Variants in DCUN1D4 observed in about 807,000 individuals in gnomAD.
DCUN1D4 encodes the protein defective in cullin neddylation 1 domain containing 4.
Under a neutral mutation model 47.9 loss-of-function variants are expected in DCUN1D4, and 22 were observed. The ratio of observed to expected loss-of-function variants is 0.46; its 90% CI spans 0.33 to 0.66. The LOEUF (loss-of-function observed/expected upper bound fraction) is 0.66. DCUN1D4 is among the 30% of genes least tolerant of loss of function. The pLI, the probability that DCUN1D4 is intolerant of heterozygous loss-of-function variation, is 0.02. For missense variants in DCUN1D4, 301 were observed against 340.8 expected (o/e 0.88, Z 0.92); for synonymous variants, 121 against 112.2 (o/e 1.08, Z -0.50).
chr4:51,844,545 C>T, intron 1 of DCUN1D4: 1 of 330,614 alleles, frequency 3.0e-6, no homozygotes, highest in Non-Finnish European at 4.3e-6. Flanking sequence ...GGGTCCCTGG[C>T]AGTCCGTGGG....
intron 8 of DCUN1D4, chr4:51,908,782 TCC>T (rs1578056628): frequency 2.4e-6 from 1 of 412,576 alleles, no homozygotes; most frequent in African/African-American, 2.0e-5. Flanking sequence ...CGACTGTTGT[TCC>T]CGGGAATTTT....
chr4:51,835,277 T>C, the DCUN1D4 span, among the ~76,000 whole-genome samples: 3 of 152,238 alleles, frequency 2.0e-5, no homozygotes, highest in South Asian at 6.2e-4. Flanking sequence ...AGAAAGTTAC[T>C]TTACCTCTCT....
chr4:51,863,497 T>C lies in DCUN1D4; in HGVS notation c.86T>C (p.Leu29Pro). 6.2e-7 allele frequency: 1 copy of C among 1,612,012 alleles called. No homozygotes were observed. The highest frequency in any genetic ancestry group is 8.5e-7 in the Non-Finnish European group (1 of 1,178,710). The change falls in exon 2 of 11, where the codon CTT becomes CCT. Residue 29 changes from leucine to proline, a missense_variant. Leu to Pro is a moderately conservative substitution (Grantham distance 98, BLOSUM62 -3). Coordinates refer to ENST00000334635, the MANE Select transcript of DCUN1D4 (RefSeq NM_001040402.3). ...AATATTCATAAGATCTACCACACCC[T>C]TAATAAGCTGGTAAGTCATTCTTTT... is the stretch of plus-strand genomic sequence containing the variant. ...LANIHKIYHT[L>P]NKLNLTEDIG...
chr4:51,886,707 CAAAT>C (rs1466151049), intron 6 of DCUN1D4, 69 bp downstream of exon 6: 13 of 1,254,790 alleles, frequency 1.0e-5, no homozygotes, highest in African/African-American at 3.1e-5. Context: ...TGTTCTTTAG[CAAAT>C]AAATAAATAA....
intron 8 of DCUN1D4, among the ~76,000 whole-genome samples, chr4:51,909,956 A>G (rs1482769829): frequency 6.6e-6 from 1 of 152,174 alleles, no homozygotes; most frequent in Non-Finnish European, 1.5e-5. Flanking sequence ...TTGTATACTA[A>G]AGAGTACCTC....
At position 51,886,645 on chromosome 4, in the gene DCUN1D4, C is replaced by G; in HGVS notation, c.414+7C>G. 1.9e-6 allele frequency: 3 copies of G among 1,612,876 alleles called. No homozygotes were observed. The highest frequency in any genetic ancestry group is 2.7e-5 in the African/African-American group (2 of 75,010). ...TGGTGTTGAACCAGAAAACGTGAGT[C>G]AAACTTACTGAGTTGGGTGAATCAG... On this transcript the variant is annotated splice_region_variant and intron_variant, in intron 6 of 10. Coordinates refer to ENST00000334635, the MANE Select transcript of DCUN1D4 (RefSeq NM_001040402.3).
intron 3 of DCUN1D4, among the ~76,000 whole-genome samples, chr4:51,872,287 T>C (rs1171757811): frequency 1.3e-5 from 2 of 152,208 alleles, no homozygotes; most frequent in African/African-American, 4.8e-5. Flanking sequence ...GTTTCAGCTC[T>C]GATCATTGCT....
chr4:51,877,905 T>C, intron 5 of DCUN1D4, 51 bp downstream of exon 5: 13 of 1,237,270 alleles, frequency 1.1e-5, no homozygotes, highest in Non-Finnish European at 1.3e-5. Flanking sequence ...CAATAAGGAG[T>C]ACCTTAGAGA....
In DCUN1D4 at chr4:51,913,707, A is replaced by C; in HGVS notation, c.*123A>C. 2 of 886,040 alleles carry C rather than the reference A, an allele frequency of 2.3e-6. No homozygotes were observed. Among genetic ancestry groups the C allele is most frequent in the Non-Finnish European group, 3.6e-6 (2 of 559,130 alleles). 54.9% of individuals were successfully genotyped at this position (886,040 alleles called of 1,614,324 possible). Reference sequence around the variant, plus strand: ...TGCACTGTTTCCCTTTCGCAGGGACATGTTGGTGTTTGCTATTGAATTGGC... The same window carrying C: ...TGCACTGTTTCCCTTTCGCAGGGACCTGTTGGTGTTTGCTATTGAATTGGC... On this transcript the variant is annotated 3_prime_UTR_variant, in exon 11 of 11. Coordinates refer to ENST00000334635, the MANE Select transcript of DCUN1D4 (RefSeq NM_001040402.3).
At chr4:51,853,564 G>A (rs915765831) in intron 1 of DCUN1D4, among the ~76,000 whole-genome samples, 1 of 152,172 alleles carries the variant, frequency 6.6e-6, no homozygotes, top group Non-Finnish European at 1.5e-5. Flanking sequence ...TTGGCTACTG[G>A]CACGCCAGGG....
rs1475897025 is a variant in DCUN1D4, at chr4:51,914,698, G to A, written c.*1114G>A. ...ATTGAGCTAACCCAGTACATGCTAG[G>A]ACCTGTCCTAGAGGGGCCACTTTTC... On this transcript the variant is annotated 3_prime_UTR_variant, in exon 11 of 11. Transcript: ENST00000334635. 1 of 152,512 alleles carries A rather than the reference G, an allele frequency of 6.6e-6. No homozygotes were observed. Among genetic ancestry groups the A allele is most frequent in the Non-Finnish European group, 1.5e-5 (1 of 68,024 alleles). 9.4% of individuals were successfully genotyped at this position (152,512 alleles called of 1,614,324 possible).
chr4:51,874,246 T>C (rs752528999), intron 3 of DCUN1D4, 25 bp from the exon 4 acceptor site: 49 of 1,546,550 alleles, frequency 3.2e-5, no homozygotes, highest in Non-Finnish European at 4.0e-5. Flanking sequence ...ACCTTAATTT[T>C]GTGCTCTTTG....
At chr4:51,872,108 G>T (rs1319632271) in intron 3 of DCUN1D4, among the ~76,000 whole-genome samples, 3 of 152,200 alleles carry the variant, frequency 2.0e-5, no homozygotes, top group Non-Finnish European at 2.9e-5. Flanking sequence ...GAGCAGGCAG[G>T]ATCCTTGAGC....
chr4:51,861,308 G>A lies in DCUN1D4; in HGVS notation c.26-2129G>A, dbSNP rs570498882. Among the ~76,000 whole-genome samples, 26 of 152,224 alleles carry A rather than the reference G, an allele frequency of 1.7e-4. No individual in the cohort carries two copies. In the South Asian group the frequency reaches 5.2e-3, roughly 30 times the overall value. ...ATTTGAATTCTCTTGGGTGTAGGAA[G>A]GGCAGTGGGCAGAATGTGGGGTTGG... On this transcript the variant is annotated intron_variant, in intron 1 of 10. Coordinates refer to ENST00000334635, the MANE Select transcript of DCUN1D4 (RefSeq NM_001040402.3).
intron 1 of DCUN1D4, among the ~76,000 whole-genome samples, chr4:51,852,130 AT>A (rs1381715108): frequency 6.6e-6 from 1 of 151,964 alleles, no homozygotes; most frequent in East Asian, 1.9e-4. Context: ...AGGATCTGGG[AT>A]TTCTGAGTCT....
At chr4:51,855,424 G>GA (rs1197582378) in intron 1 of DCUN1D4, among the ~76,000 whole-genome samples, 4 of 152,270 alleles carry the variant, frequency 2.6e-5, no homozygotes, top group Non-Finnish European at 4.4e-5. Context: ...TAAGTGCTAT[G>GA]AAAAAAATCT....
At chr4:51,878,761 C>G (rs1414984294) in intron 5 of DCUN1D4, among the ~76,000 whole-genome samples, 1 of 152,148 alleles carries the variant, frequency 6.6e-6, no homozygotes, top group Non-Finnish European at 1.5e-5. Context: ...TCTTTTAAAC[C>G]CTTAATTACC....
At position 51,877,373 on chromosome 4, in the gene DCUN1D4, T is replaced by C. The variant is rs79400570; in HGVS notation, c.252-390T>C. ...ACTGTGTTCCGTGCCCAGTCTAACT[T>C]GTAAGACACAGAAGACAGACATGAG... On this transcript the variant is annotated intron_variant, in intron 4 of 10. Coordinates refer to ENST00000334635, the MANE Select transcript of DCUN1D4 (RefSeq NM_001040402.3). The C allele has an allele frequency of 9.5e-3, 1,467 of 153,776 alleles. 3 individuals carry two copies. The highest frequency in any genetic ancestry group is 0.015 in the Non-Finnish European group (1,057 of 69,132). The allele number at this position is 153,776 out of a possible 1,614,324, so 9.5% of individuals were successfully genotyped here.
intron 3 of DCUN1D4, among the ~76,000 whole-genome samples, chr4:51,865,913 A>G (rs1725832498): frequency 6.6e-6 from 1 of 152,038 alleles, no homozygotes; most frequent in South Asian, 2.1e-4. Flanking sequence ...GACCCTTTAC[A>G]CCCTGCACTA....
Sources: allele counts gnomAD v4.1 joint callset (sites outside exome capture counted in the v4.1 genomes callset), GRCh38; gene constraint gnomAD v4.1.1; transcripts MANE v1.5; gene names NCBI Gene and HGNC (gene_info 2026-07-23, HGNC 2026-07-21).